XRCC6: variants seen among roughly 807,000 people sequenced by gnomAD.
XRCC6 encodes the protein DNA repair protein Ku70.
XRCC6 carries 5 observed loss-of-function variants against 65.7 expected under a neutral mutation model. That is an observed-to-expected ratio of 0.08 (90% CI 0.04 to 0.16). XRCC6 has a LOEUF of 0.16. Ranked by LOEUF, XRCC6 falls within the 10% of genes least tolerant of loss-of-function variation. The probability of loss-of-function intolerance (pLI) is 1.00; values close to 1 mark genes in which losing one functional copy is unlikely to be tolerated. For synonymous variants in XRCC6, 270 were observed against 270.6 expected, an observed-to-expected ratio of 1.00 and a Z score of 0.02; for missense variants, 447 against 738.1, an observed-to-expected ratio of 0.61 and a Z score of 4.57.
chr22:41,641,928 T>C (rs966855550), intron 6 of XRCC6, among the ~76,000 whole-genome samples: 1 of 152,132 alleles, frequency 6.6e-6, no homozygotes, highest in Admixed American at 6.6e-5. Context: ...TAGCTAGGAT[T>C]ACAGGCATGC....
At chr22:41,656,430 C>T (rs1016500523) in intron 9 of XRCC6, among the ~76,000 whole-genome samples, 2 of 151,562 alleles carry the variant, frequency 1.3e-5, no homozygotes, top group Non-Finnish European at 2.9e-5. Context: ...GGCAGGAGAA[C>T]CGCTTGAACC....
At chr22:41,650,950 C>T (rs1000456841) in intron 8 of XRCC6, 59 bp downstream of exon 8, 62 of 1,590,052 alleles carry the variant, frequency 3.9e-5, no homozygotes, top group South Asian at 1.6e-4. Flanking sequence ...TACGGAGCAG[C>T]GCTTTGTAAA....
At chr22:41,663,049 C>G (rs915816918) in intron 12 of XRCC6, among the ~76,000 whole-genome samples, 1 of 152,176 alleles carries the variant, frequency 6.6e-6, no homozygotes, top group Non-Finnish European at 1.5e-5. Context: ...CCATTGCACT[C>G]CAGCCTCGGT....
intron 10 of XRCC6, among the ~76,000 whole-genome samples, 158 bp from the exon 11 acceptor site, chr22:41,658,094 G>A (rs1327270991): frequency 6.6e-6 from 1 of 152,164 alleles, no homozygotes; most frequent in Non-Finnish European, 1.5e-5. Flanking sequence ...AAAGTGCTGG[G>A]ATTACAGGCA....
At chr22:41,659,161 A>G (rs2068076659) in intron 11 of XRCC6, among the ~76,000 whole-genome samples, 1 of 151,954 alleles carries the variant, frequency 6.6e-6, no homozygotes, top group Admixed American at 6.6e-5. Context: ...TCTCAGAATG[A>G]TCTATTTTAG....
At chr22:41,621,966 C>T (rs751968379) in intron 1 of XRCC6, 24 bp from the exon 2 acceptor site, 6 of 1,610,270 alleles carry the variant, frequency 3.7e-6, no homozygotes, top group Middle Eastern at 1.6e-4. Context: ...TTGCCTGTTA[C>T]TGACGTTAAC....
chr22:41,656,240 G>T (rs1413278376), intron 9 of XRCC6, among the ~76,000 whole-genome samples: 1 of 144,338 alleles, frequency 6.9e-6, no homozygotes, highest in Non-Finnish European at 1.5e-5. Flanking sequence ...AAAGATGAAG[G>T]CTGGGCGCGG....
At chr22:41,648,679 A>G (rs546627202) in intron 7 of XRCC6, among the ~76,000 whole-genome samples, 6 of 152,326 alleles carry the variant, frequency 3.9e-5, no homozygotes, top group African/African-American at 1.4e-4. Context: ...CTGAGATTTT[A>G]CATAAGTTTA....
chr22:41,627,177 AAGAG>A (rs755923897), intron 2 of XRCC6, among the ~76,000 whole-genome samples: 3 of 152,224 alleles, frequency 2.0e-5, no homozygotes, highest in Non-Finnish European at 4.4e-5. Flanking sequence ...CAAGGGAAAA[AAGAG>A]AGGGTATCTG....
chr22:41,661,507 AC>A, intron 12 of XRCC6, 63 bp downstream of exon 12: 1 of 1,352,466 alleles, frequency 7.4e-7, no homozygotes, highest in Non-Finnish European at 1.0e-6. Flanking sequence ...TAGTCTTATC[AC>A]AGTGGGCAAT....
intron 3 of XRCC6, among the ~76,000 whole-genome samples, chr22:41,632,964 T>C (rs2067771736): frequency 6.6e-6 from 1 of 150,862 alleles, no homozygotes; most frequent in African/African-American, 2.4e-5. Context: ...TCGTCTCTAC[T>C]AAAAATACAA....
intron 6 of XRCC6, among the ~76,000 whole-genome samples, chr22:41,645,691 CT>C (rs1409019808): frequency 6.8e-6 from 1 of 146,746 alleles, no homozygotes; most frequent in Non-Finnish European, 1.5e-5. Context: ...GGGCTTTATT[CT>C]TTCTTCTTTT....
chr22:41,621,866 A>G, intron 1 of XRCC6, 124 bp from the exon 2 acceptor site: 1 of 869,636 alleles, frequency 1.1e-6, no homozygotes, highest in Non-Finnish European at 1.8e-6. Context: ...TCGAGGCAGC[A>G]GGATTTACCG....
intron 3 of XRCC6, among the ~76,000 whole-genome samples, chr22:41,634,460 A>G (rs2067788524): frequency 6.6e-6 from 1 of 151,908 alleles, no homozygotes; most frequent in African/African-American, 2.4e-5. Flanking sequence ...TGCTGGGATT[A>G]TAGGCATGAG....
chr22:41,624,321 G>C (rs2147061921), intron 2 of XRCC6, among the ~76,000 whole-genome samples: 1 of 152,228 alleles, frequency 6.6e-6, no homozygotes, highest in East Asian at 1.9e-4. Flanking sequence ...CGGGGAGGCA[G>C]AGGCTACAGT....
chr22:41,629,097 C>T (rs1302622548), intron 3 of XRCC6, among the ~76,000 whole-genome samples: 2 of 151,764 alleles, frequency 1.3e-5, no homozygotes, highest in Non-Finnish European at 2.9e-5. Flanking sequence ...ACCACTCACA[C>T]CCACTATATA....
intron 9 of XRCC6, 149 bp downstream of exon 9, chr22:41,653,839 GCA>G: frequency 9.8e-7 from 1 of 1,019,956 alleles, no homozygotes; most frequent in South Asian, 1.7e-5. Flanking sequence ...TGAATTTAGT[GCA>G]CAGCCAGGTA....
At chr22:41,632,779 T>A (rs1280456845) in intron 3 of XRCC6, among the ~76,000 whole-genome samples, 2 of 149,710 alleles carry the variant, frequency 1.3e-5, no homozygotes, top group Non-Finnish European at 3.0e-5. Context: ...GCTATGATTG[T>A]GCCAGTGAAC....
chr22:41,654,203 C>A (rs1443474981), intron 9 of XRCC6, among the ~76,000 whole-genome samples: 1 of 152,142 alleles, frequency 6.6e-6, no homozygotes, highest in Non-Finnish European at 1.5e-5. Flanking sequence ...AGCTGGTCAA[C>A]GTGGGCAAGT....
Sources: allele counts gnomAD v4.1 joint callset (sites outside exome capture counted in the v4.1 genomes callset), GRCh38; gene constraint gnomAD v4.1.1; transcripts MANE v1.5; gene names NCBI Gene and HGNC (gene_info 2026-07-23, HGNC 2026-07-21).